The following ENTREP1 variants were observed in gnomAD, a reference collection of about 807,000 sequenced individuals.
The protein encoded by ENTREP1 is Friedreich ataxia region gene X123.
At chr9:69,325,029 C>T in the ENTREP1 span, 1 of 985,402 alleles carries the variant, frequency 1.0e-6, no homozygotes, top group East Asian at 1.1e-4. Context: ...GCACTTGCCC[C>T]GGCACAGCGC....
chr9:69,332,751 A>G, the ENTREP1 span, among the ~76,000 whole-genome samples: 2 of 152,226 alleles, frequency 1.3e-5, no homozygotes, highest in Non-Finnish European at 2.9e-5. Context: ...GTCATGATCT[A>G]TTAAAATAAA....
At chr9:69,333,649 C>T in the ENTREP1 span, among the ~76,000 whole-genome samples, 1 of 152,162 alleles carries the variant, frequency 6.6e-6, no homozygotes, top group East Asian at 1.9e-4. Flanking sequence ...AAAAGCTGAA[C>T]CGCAGGGTTC....
chr9:69,356,210 A>G, the ENTREP1 span, among the ~76,000 whole-genome samples: 17 of 152,204 alleles, frequency 1.1e-4, no homozygotes, highest in Non-Finnish European at 2.1e-4. Flanking sequence ...TAGGTATCGC[A>G]TATAAGTAAG....
At chr9:69,369,932 G>A in the ENTREP1 span, among the ~76,000 whole-genome samples, 1 of 152,084 alleles carries the variant, frequency 6.6e-6, no homozygotes, top group East Asian at 1.9e-4. Flanking sequence ...GGAGTTACTT[G>A]TATATTCTGG....
chr9:69,346,776 C>A, the ENTREP1 span, among the ~76,000 whole-genome samples: 27 of 152,328 alleles, frequency 1.8e-4, no homozygotes, highest in African/African-American at 6.5e-4. Flanking sequence ...ACTATCTAAG[C>A]AGGACTTGCA....
the ENTREP1 span, among the ~76,000 whole-genome samples, chr9:69,335,378 C>A: frequency 6.6e-6 from 1 of 152,130 alleles, no homozygotes; most frequent in African/African-American, 2.4e-5. Context: ...CAGGTGACTG[C>A]TAAATGGGGC....
At chr9:69,348,963 C>T in the ENTREP1 span, among the ~76,000 whole-genome samples, 1 of 151,904 alleles carries the variant, frequency 6.6e-6, no homozygotes, top group Non-Finnish European at 1.5e-5. Context: ...GCGGGTGGAT[C>T]ACCTGAGGTC....
chr9:69,360,704 C>T, the ENTREP1 span, among the ~76,000 whole-genome samples: 1 of 152,102 alleles, frequency 6.6e-6, no homozygotes, highest in African/African-American at 2.4e-5. Flanking sequence ...CTGCATGTTA[C>T]TATCATCTTT....
At chr9:69,385,784 TTTTA>T in the ENTREP1 span, 8,335 of 1,192,304 alleles carry the variant, frequency 7.0e-3, 1 homozygote, top group East Asian at 0.01. Context: ...TTTTTTTTTT[TTTTA>T]AATCAGATGG....
At chr9:69,382,932 A>T in the ENTREP1 span, 1 of 743,500 alleles carries the variant, frequency 1.3e-6, no homozygotes, top group Non-Finnish European at 1.6e-6. Context: ...TGGCTTTTAT[A>T]TGTATTTTAT....
chr9:69,378,159 G>C, the ENTREP1 span, among the ~76,000 whole-genome samples: 2 of 152,230 alleles, frequency 1.3e-5, no homozygotes, highest in East Asian at 1.9e-4. Flanking sequence ...GGAGATAACA[G>C]CTGTAATTTG....
the ENTREP1 span, among the ~76,000 whole-genome samples, chr9:69,377,110 C>T: frequency 6.6e-6 from 1 of 152,140 alleles, no homozygotes; most frequent in Non-Finnish European, 1.5e-5. Context: ...ACTATCATAC[C>T]ACGTTGTTCT....
the ENTREP1 span, chr9:69,324,929 C>T: frequency 1.0e-6 from 1 of 985,134 alleles, no homozygotes; most frequent in Non-Finnish European, 1.2e-6. Flanking sequence ...CCTCCCACCT[C>T]GAGGGACTTA....
chr9:69,329,258 T>G, the ENTREP1 span: 1 of 549,662 alleles, frequency 1.8e-6, no homozygotes, highest in Non-Finnish European at 2.3e-6. Context: ...CCCACACATC[T>G]TCTTTAGGCT....
chr9:69,376,910 A>G, the ENTREP1 span, among the ~76,000 whole-genome samples: 3 of 152,190 alleles, frequency 2.0e-5, no homozygotes, highest in African/African-American at 7.2e-5. Context: ...TGCATGGGGC[A>G]GCACAGCCAA....
At chr9:69,375,488 G>T in the ENTREP1 span, among the ~76,000 whole-genome samples, 1 of 152,182 alleles carries the variant, frequency 6.6e-6, no homozygotes, top group East Asian at 1.9e-4. Flanking sequence ...ATGAAAACAG[G>T]AAGTTCTCAG....
At chr9:69,363,806 T>A in the ENTREP1 span, among the ~76,000 whole-genome samples, 2 of 152,158 alleles carry the variant, frequency 1.3e-5, no homozygotes, top group Middle Eastern at 3.2e-3. Flanking sequence ...TGAGCCAGTC[T>A]ACATACAACA....
At chr9:69,345,999 TG>T in the ENTREP1 span, among the ~76,000 whole-genome samples, 1 of 151,992 alleles carries the variant, frequency 6.6e-6, no homozygotes, top group Non-Finnish European at 1.5e-5. Flanking sequence ...TTTTTTTTTT[TG>T]AGATGGAGTC....
chr9:69,350,261 G>A, the ENTREP1 span, among the ~76,000 whole-genome samples: 2 of 152,114 alleles, frequency 1.3e-5, no homozygotes, highest in Non-Finnish European at 1.5e-5. Flanking sequence ...CATATGGTGT[G>A]AGGCAGGGGT....
Sources: gnomAD v4.1 joint callset for allele counts (sites outside exome capture counted in the v4.1 genomes callset) on GRCh38, gnomAD v4.1.1 for gene constraint, MANE v1.5 for transcripts, NCBI Gene and HGNC (gene_info 2026-07-23, HGNC 2026-07-21) for gene names.